RUVBL2: variants seen among roughly 807,000 people sequenced by gnomAD.
The protein encoded by RUVBL2 is ruvB-like 2.
RUVBL2 carries 9 observed loss-of-function variants against 57.9 expected under a neutral mutation model. The ratio of observed to expected loss-of-function variants is 0.16; its 90% CI spans 0.09 to 0.27. The LOEUF (loss-of-function observed/expected upper bound fraction) is 0.27, where lower values mean the gene tolerates loss of function less well. Ranked by LOEUF, RUVBL2 falls within the 10% of genes least tolerant of loss-of-function variation. The probability of loss-of-function intolerance (pLI) is 1.00; values close to 1 mark genes in which losing one functional copy is unlikely to be tolerated. For missense variants in RUVBL2, 456 were observed against 669.6 expected (o/e 0.68, Z 3.52); for synonymous variants, 278 against 264.6 (o/e 1.05, Z -0.49).
chr19:49,010,467 T>TGCCCCCCCCCCC, intron 8 of RUVBL2, 21 bp from the exon 9 acceptor site: 20 of 1,401,178 alleles, frequency 1.4e-5, no homozygotes, highest in Non-Finnish European at 1.9e-5. Flanking sequence ...CCGCCGTTCT[T>TGCCCCCCCCCCC]CCCCCACCCC....
At chr19:48,999,400 C>T in intron 2 of RUVBL2, 27 bp downstream of exon 2, 3 of 1,612,834 alleles carry the variant, frequency 1.9e-6, no homozygotes, top group African/African-American at 1.3e-5. Flanking sequence ...AGGAATAGGA[C>T]CTAAGCCCTG....
chr19:48,993,519 T>A, upstream of RUVBL2: 1 of 434,902 alleles, frequency 2.3e-6, no homozygotes, highest in Non-Finnish European at 4.3e-6. Context: ...CGGAAACGAG[T>A]GGCCTTCAGC....
In RUVBL2 at chr19:49,009,956, C is replaced by A; in HGVS notation, c.570-17C>A. The A allele has an allele frequency of 3.1e-6, 5 of 1,607,640 alleles. No homozygotes were observed. Among genetic ancestry groups the A allele is most frequent in the South Asian group, 1.1e-5 (1 of 90,530 alleles). ...GGGCCCATTCCTTTCCTTACCCTAC[C>A]CCCCATCCCCCTGTAGGGACGTGAT... On this transcript the variant is annotated splice_polypyrimidine_tract_variant and intron_variant, in intron 7 of 14. Transcript: ENST00000595090.
At chr19:49,010,089 C>A in intron 8 of RUVBL2, 23 bp downstream of exon 8, 1 of 1,603,004 alleles carries the variant, frequency 6.2e-7, no homozygotes, top group Non-Finnish European at 8.5e-7. Context: ...CTCCCGGGAT[C>A]CCCTCGCCCC....
intron 2 of RUVBL2, among the ~76,000 whole-genome samples, chr19:49,000,630 C>T (rs986867252): frequency 2.0e-5 from 3 of 151,380 alleles, no homozygotes; most frequent in South Asian, 2.1e-4. Context: ...TTTGGGAGGC[C>T]GAGGCGGGTG....
intron 4 of RUVBL2, among the ~76,000 whole-genome samples, chr19:49,005,881 C>T (rs1376327215): frequency 6.6e-6 from 1 of 152,208 alleles, no homozygotes; most frequent in African/African-American, 2.4e-5. Flanking sequence ...GGTGATCCAC[C>T]CCCCTGCCTC....
chr19:49,008,817 A>G (rs915434320), intron 6 of RUVBL2, among the ~76,000 whole-genome samples: 1 of 151,898 alleles, frequency 6.6e-6, no homozygotes, highest in Non-Finnish European at 1.5e-5. Flanking sequence ...GTCTCTACTA[A>G]AAATACAAAA....
At position 49,011,330 on chromosome 19, in the gene RUVBL2, C is replaced by G; in HGVS notation, c.1001+20C>G. 6.3e-7 allele frequency: 1 copy of G among 1,597,036 alleles called. No individual in the cohort carries two copies. Among genetic ancestry groups the G allele is most frequent in the Non-Finnish European group, 8.6e-7 (1 of 1,165,426 alleles). On this transcript the variant is annotated intron_variant, in intron 11 of 14. Transcript: ENST00000595090. The surrounding 1 kb of genome is among the most constrained non-coding windows in gnomAD (Gnocchi z 4.4). ...CACGCGGTGAGCCGGCTACAGGGGCCTCTGGGGAAAACAGGATGCTCTGGG... is the reference window on the plus strand; with the variant it reads ...CACGCGGTGAGCCGGCTACAGGGGCGTCTGGGGAAAACAGGATGCTCTGGG...
rs1249608283 is a variant in RUVBL2 at position 49,011,830 on chromosome 19, C to T, written c.1001+520C>T. 8.5e-6 allele frequency among the ~76,000 whole-genome samples: 1 copy of T among 117,690 alleles called. No homozygotes were observed. The highest frequency in any genetic ancestry group is 2.0e-5 in the Non-Finnish European group (1 of 49,098). The allele number at this position is 117,690 out of a possible 152,430, so 77.2% of individuals were successfully genotyped here. ...TTGCCAGCACCCTGTGCACGGGGAA[C>T]TCTTAATGTTGTGTTTGGCCTGAGG... is the stretch of plus-strand genomic sequence containing the variant. On this transcript the variant is annotated intron_variant, in intron 11 of 14. Coordinates refer to ENST00000595090, the MANE Select transcript of RUVBL2 (RefSeq NM_006666.3). The surrounding 1 kb of genome is among the most constrained non-coding windows in gnomAD (Gnocchi z 4.4).
At chr19:48,993,452 C>G (rs925920303), upstream of RUVBL2, 13 of 428,232 alleles carry the variant, frequency 3.0e-5, no homozygotes, top group Non-Finnish European at 5.7e-5. Context: ...GTCGCTGTGT[C>G]CCGGCCCCGC....
At chr19:49,015,774 C>T (rs1162854941) in intron 14 of RUVBL2, 43 bp from the exon 15 acceptor site, 2 of 1,613,682 alleles carry the variant, frequency 1.2e-6, no homozygotes, top group Non-Finnish European at 8.5e-7. Context: ...CAGGCCCTGC[C>T]ACCTGGGCGA....
chr19:49,015,262 G>A, intron 13 of RUVBL2, 112 bp downstream of exon 13: 9 of 1,440,656 alleles, frequency 6.2e-6, no homozygotes, highest in Non-Finnish European at 8.4e-6. Context: ...TCAGACGCAG[G>A]GAATTTTCAT....
intron 1 of RUVBL2, chr19:48,994,265 C>T (rs2039008827): frequency 5.9e-6 from 2 of 337,362 alleles, no homozygotes; most frequent in South Asian, 8.6e-5. Context: ...TAGGACCTTG[C>T]GCTTCGAGCC....
rs773467649 is a variant in RUVBL2 at position 49,011,120 on chromosome 19, G to A, written c.882+27G>A. The A allele has an allele frequency of 4.0e-5, 65 of 1,607,042 alleles. No homozygotes were observed. The highest frequency in any genetic ancestry group is 2.0e-4 in the East Asian group (9 of 44,670). ...TGAGGACCCAGGACATGGCCGGGGCGGGTGGTGGGGTGGAGGTGGGCCGGG... is the reference window on the plus strand; with the variant it reads ...TGAGGACCCAGGACATGGCCGGGGCAGGTGGTGGGGTGGAGGTGGGCCGGG... On this transcript the variant is annotated intron_variant, in intron 10 of 14. Coordinates refer to ENST00000595090, the MANE Select transcript of RUVBL2 (RefSeq NM_006666.3). The surrounding 1 kb of genome is among the most constrained non-coding windows in gnomAD (Gnocchi z 4.4).
chr19:48,993,901 T>C lies in RUVBL2; in HGVS notation c.-11T>C. ...CCGTTTCCGCTAGGACTCTGGCAGTTGGTGAGCATCATGGCAACCGTTGTA... is the reference window on the plus strand; with the variant it reads ...CCGTTTCCGCTAGGACTCTGGCAGTCGGTGAGCATCATGGCAACCGTTGTA... On this transcript the variant is annotated 5_prime_UTR_variant, in exon 1 of 15. Coordinates refer to ENST00000595090, the MANE Select transcript of RUVBL2 (RefSeq NM_006666.3). 1 of 1,613,932 alleles carries C rather than the reference T, an allele frequency of 6.2e-7. No homozygotes were observed.
At chr19:49,009,682 C>T in intron 6 of RUVBL2, 94 bp from the exon 7 acceptor site, 1 of 1,079,834 alleles carries the variant, frequency 9.3e-7, no homozygotes, top group Non-Finnish European at 1.4e-6. Context: ...GAAGCAGAGG[C>T]CAGAGCAGAG....
Position 49,011,262 on chromosome 19 carries a change from G to A in RUVBL2, c.953G>A (p.Ser318Asn). 1 of 1,613,958 alleles carries A rather than the reference G, an allele frequency of 6.2e-7. No homozygotes were observed. The highest frequency in any genetic ancestry group is 8.5e-7 in the Non-Finnish European group (1 of 1,180,028). The change falls in exon 11 of 15, where the codon AGT becomes AAT. Residue 318 changes from serine (S) to asparagine (N), a missense_variant. Ser to Asn is a conservative substitution (Grantham distance 46). Transcript: ENST00000595090. The surrounding 1 kb of genome is among the most constrained non-coding windows in gnomAD (Gnocchi z 4.4). ...SFSFLNRALESDMAPVLIMAT... is the reference protein window; with the variant it reads ...SFSFLNRALENDMAPVLIMAT... ...TCCTTCCTCAACCGGGCCCTGGAGA[G>A]TGACATGGCGCCTGTCCTGATCATG...
intron 2 of RUVBL2, 84 bp downstream of exon 2, chr19:48,999,457 T>C (rs2039133735): frequency 7.0e-7 from 1 of 1,421,094 alleles, no homozygotes; most frequent in Non-Finnish European, 9.9e-7. Flanking sequence ...ACCCCTAAGA[T>C]GGAGAGGGAG....
At chr19:49,002,210 G>A (rs907070029) in intron 2 of RUVBL2, among the ~76,000 whole-genome samples, 1 of 151,968 alleles carries the variant, frequency 6.6e-6, no homozygotes, top group African/African-American at 2.4e-5. Flanking sequence ...CACCACGCCA[G>A]GCTAATTTTT....
Sources: gnomAD v4.1 joint callset for allele counts (sites outside exome capture counted in the v4.1 genomes callset) on GRCh38, gnomAD v4.1.1 for gene constraint, Gnocchi (gnomAD v3.1) non-coding constraint, MANE v1.5 for transcripts, NCBI Gene and HGNC (gene_info 2026-07-23, HGNC 2026-07-21) for gene names.